The following COXFA4L2 variants were observed in gnomAD, a reference collection of about 807,000 sequenced individuals.
COXFA4L2 encodes the protein cytochrome c oxidase hypoxia associated subunit FA4L2, also known as NADH dehydrogenase (ubiquinone) 1 alpha subcomplex, 4-like 2.
At chr12:57,235,253 C>T in the COXFA4L2 span, 1 of 506,640 alleles carries the variant, frequency 2.0e-6, no homozygotes, top group Non-Finnish European at 3.6e-6. Context: ...GTAGCCTGTG[C>T]CACACCCTTC....
the COXFA4L2 span, chr12:57,235,527 G>T: frequency 1.2e-6 from 2 of 1,607,590 alleles, no homozygotes; most frequent in Non-Finnish European, 1.7e-6. Flanking sequence ...GGGCTGGCTG[G>T]CTGTGGCTTG....
the COXFA4L2 span, chr12:57,237,220 C>CA: frequency 2.0e-6 from 3 of 1,533,138 alleles, no homozygotes; most frequent in Non-Finnish European, 2.6e-6. Context: ...TCTTTGGACT[C>CA]ACCCCACCCC....
At chr12:57,236,586 C>T in the COXFA4L2 span, 1 of 1,573,680 alleles carries the variant, frequency 6.4e-7, no homozygotes, top group Non-Finnish European at 8.6e-7. Flanking sequence ...CCAAGCCGTG[C>T]CTTTACCAGA....
At chr12:57,240,700 C>G in the COXFA4L2 span, 1 of 985,288 alleles carries the variant, frequency 1.0e-6, no homozygotes, top group Non-Finnish European at 1.2e-6. Flanking sequence ...GACGCGATGG[C>G]AACACACACT....
the COXFA4L2 span, chr12:57,235,345 C>T: frequency 5.0e-6 from 3 of 599,848 alleles, no homozygotes; most frequent in Non-Finnish European, 8.9e-6. Flanking sequence ...TCCTCCCCCA[C>T]GTGGGACTCA....
chr12:57,235,632 G>A, the COXFA4L2 span: 23 of 1,614,126 alleles, frequency 1.4e-5, no homozygotes, highest in Middle Eastern at 1.7e-4. Flanking sequence ...AAGAGGAGAG[G>A]GAAAGGGGGT....
At chr12:57,235,596 A>G in the COXFA4L2 span, 5 of 1,613,998 alleles carry the variant, frequency 3.1e-6, no homozygotes, top group East Asian at 4.5e-5. Flanking sequence ...TCAGCTTCTT[A>G]TAGTCAGTGG....
At chr12:57,235,492 G>T in the COXFA4L2 span, 64 of 1,524,364 alleles carry the variant, frequency 4.2e-5, no homozygotes, top group East Asian at 9.5e-4. Flanking sequence ...CTTGGGGCCT[G>T]CGGGGAGGAG....
At chr12:57,237,012 A>G in the COXFA4L2 span, 1 of 1,614,088 alleles carries the variant, frequency 6.2e-7, no homozygotes, top group East Asian at 2.2e-5. Context: ...AGAGGTTCTG[A>G]GGTTCTGAGG....
At chr12:57,235,291 T>A in the COXFA4L2 span, 3 of 566,158 alleles carry the variant, frequency 5.3e-6, no homozygotes, top group Non-Finnish European at 9.5e-6. Flanking sequence ...GCAGAGGGGC[T>A]GGTCTGGGCT....
At chr12:57,236,156 C>G in the COXFA4L2 span, 1 of 336,790 alleles carries the variant, frequency 3.0e-6, no homozygotes, top group Non-Finnish European at 5.4e-6. Context: ...TGGTGATGTG[C>G]CGGGAATTAT....
the COXFA4L2 span, chr12:57,235,087 A>T: frequency 6.1e-6 from 1 of 164,220 alleles, no homozygotes; most frequent in Non-Finnish European, 1.3e-5. Context: ...CAGGAGGCAA[A>T]GGTGCCCCAG....
At chr12:57,236,175 G>A in the COXFA4L2 span, 1 of 329,316 alleles carries the variant, frequency 3.0e-6, no homozygotes, top group South Asian at 1.2e-4. Context: ...ATAAAGCCAT[G>A]GGTGCGCCTT....
chr12:57,238,080 C>G, the COXFA4L2 span, among the ~76,000 whole-genome samples: 1 of 152,130 alleles, frequency 6.6e-6, no homozygotes, highest in Admixed American at 6.5e-5. The surrounding 1 kb of genome is among the most constrained non-coding windows in gnomAD (Gnocchi z 6.8). Context: ...TCTCCCCACT[C>G]CCACGATAAC....
the COXFA4L2 span, chr12:57,236,608 C>T: frequency 2.5e-6 from 4 of 1,582,940 alleles, no homozygotes; most frequent in East Asian, 4.6e-5. Flanking sequence ...GTCGGGGCTG[C>T]GAAGGGCGAG....
At chr12:57,239,090 C>G in the COXFA4L2 span, among the ~76,000 whole-genome samples, 2 of 152,236 alleles carry the variant, frequency 1.3e-5, no homozygotes, top group East Asian at 1.9e-4. The surrounding 1 kb of genome is among the most constrained non-coding windows in gnomAD (Gnocchi z 5.5). Flanking sequence ...AGGCACGGCC[C>G]GGGATCCCGC....
chr12:57,235,460 G>C, the COXFA4L2 span: 2 of 1,263,754 alleles, frequency 1.6e-6, no homozygotes, highest in East Asian at 2.3e-5. Context: ...GCAGTAGCGG[G>C]ACAGGGTGGC....
the COXFA4L2 span, chr12:57,236,303 T>G: frequency 2.2e-6 from 1 of 455,482 alleles, no homozygotes; most frequent in Non-Finnish European, 3.9e-6. Context: ...GACTTAGAGG[T>G]ACCCAAAAGC....
chr12:57,235,846 C>T, the COXFA4L2 span: 1 of 1,504,954 alleles, frequency 6.6e-7, no homozygotes, highest in South Asian at 1.4e-5. Context: ...GGGTCTCCTC[C>T]CTGGGACCCA....
Sources: allele counts gnomAD v4.1 joint callset (sites outside exome capture counted in the v4.1 genomes callset), GRCh38; gene constraint gnomAD v4.1.1; non-coding constraint Gnocchi (gnomAD v3.1); transcripts MANE v1.5; gene names NCBI Gene and HGNC (gene_info 2026-07-23, HGNC 2026-07-21).